The following NHSL1 variants were observed in gnomAD, a reference collection of about 807,000 sequenced individuals.
NHSL1 encodes the protein NHS-like protein 1.
NHSL1 carries 48 observed loss-of-function variants against 95.0 expected under a neutral mutation model. The observed-to-expected ratio is 0.51, with a 90% CI of 0.40 to 0.64. NHSL1 has a LOEUF of 0.64. Ranked by LOEUF, NHSL1 falls within the 30% of genes least tolerant of loss-of-function variation. The pLI, the probability that NHSL1 is intolerant of heterozygous loss-of-function variation, is 0.00. For missense variants in NHSL1, 1,971 were observed against 2,077.7 expected, an observed-to-expected ratio of 0.95 and a Z score of 1.00; for synonymous variants, 783 against 833.9, an observed-to-expected ratio of 0.94 and a Z score of 1.05.
intron 1 of NHSL1, among the ~76,000 whole-genome samples, chr6:138,578,669 AT>A (rs1004491651): frequency 1.4e-4 from 21 of 151,944 alleles, no homozygotes; most frequent in South Asian, 4.2e-4. Context: ...TGTGGTTATT[AT>A]TTTTTTTAAT....
At position 138,429,830 on chromosome 6, in the gene NHSL1, C is replaced by T. The variant is rs1464147854; in HGVS notation, c.3966G>A (p.Glu1322=). Residue 1322 remains glutamate (E), a synonymous_variant, in exon 7 of 8, where the codon GAG becomes GAA. Coordinates refer to ENST00000343505, the MANE Select transcript of NHSL1 (RefSeq NM_001144060.2). ...SQQDGAAGVP[E]TNAAGSSSEA... is the part of the protein sequence containing the mutation. ...CTGAGGATGAACCGGCTGCGTTGGT[C>T]TCCGGCACCCCAGCTACAGAAGAGC... is the stretch of plus-strand genomic sequence containing the variant. The T allele has an allele frequency of 1.2e-5, 18 of 1,551,096 alleles. No individual in the cohort carries two copies. The highest frequency in any genetic ancestry group is 1.6e-5 in the Non-Finnish European group (18 of 1,146,838).
chr6:138,552,349 G>C (rs547948873), intron 1 of NHSL1, among the ~76,000 whole-genome samples: 2 of 152,136 alleles, frequency 1.3e-5, no homozygotes, highest in Admixed American at 1.3e-4. Flanking sequence ...GAACCCGGGA[G>C]GTGGAGGTTG....
intron 3 of NHSL1, 34 bp downstream of exon 3, chr6:138,473,272 A>C (rs2128248027): frequency 1.1e-4 from 158 of 1,482,822 alleles, no homozygotes; most frequent in Non-Finnish European, 1.3e-4. Flanking sequence ...TCTGGGACCC[A>C]ACCCAGGACC....
chr6:138,548,629 G>C (rs9402980), upstream of NHSL1, among the ~76,000 whole-genome samples: 48,529 of 152,056 alleles, frequency 0.32, 7,935 homozygotes, highest in Middle Eastern at 0.51. Context: ...TTCATGGCCT[G>C]TAAATGTGAG....
intron 1 of NHSL1, among the ~76,000 whole-genome samples, chr6:138,633,817 T>G (rs941678991): frequency 6.6e-6 from 1 of 152,218 alleles, no homozygotes; most frequent in Admixed American, 6.5e-5. Flanking sequence ...TGTAAACTAC[T>G]CTTATTCTAA....
intron 3 of NHSL1, among the ~76,000 whole-genome samples, chr6:138,447,881 G>A (rs560078155): frequency 6.6e-6 from 1 of 152,246 alleles, no homozygotes; most frequent in South Asian, 2.1e-4. Context: ...ATTTAGTTTT[G>A]CTCAAAGTAA....
intron 4 of NHSL1, among the ~76,000 whole-genome samples, chr6:138,443,761 C>T (rs142598984): frequency 0.029 from 4,372 of 152,200 alleles, 95 homozygotes; most frequent in Non-Finnish European, 0.046. Flanking sequence ...GCCTGGGAGG[C>T]GGAGGTTGCA....
At chr6:138,459,278 C>T (rs1171530010) in intron 3 of NHSL1, among the ~76,000 whole-genome samples, 1 of 152,250 alleles carries the variant, frequency 6.6e-6, no homozygotes, top group East Asian at 1.9e-4. Flanking sequence ...ATGAGTCCCA[C>T]GCCTGACCAT....
chr6:138,545,607 C>T (rs1480853813), intron 1 of NHSL1: 1 of 1,288,090 alleles, frequency 7.8e-7, no homozygotes, highest in East Asian at 5.5e-5. Context: ...CCCAAATGGA[C>T]ACGAAGTCCC....
chr6:138,478,569 G>A (rs1463294841), intron 2 of NHSL1, among the ~76,000 whole-genome samples: 3 of 152,182 alleles, frequency 2.0e-5, no homozygotes, highest in Non-Finnish European at 4.4e-5. Context: ...TGAAACAAAA[G>A]TGAGAGCAAG....
intron 1 of NHSL1, among the ~76,000 whole-genome samples, chr6:138,529,010 C>T (rs1782025271): frequency 6.6e-6 from 1 of 152,166 alleles, no homozygotes; most frequent in Non-Finnish European, 1.5e-5. Flanking sequence ...TGAGAATGAG[C>T]CTTTTATATT....
chr6:138,638,429 G>A (rs561341272), intron 1 of NHSL1, among the ~76,000 whole-genome samples: 359 of 152,184 alleles, frequency 2.4e-3, no homozygotes, highest in Non-Finnish European at 4.4e-3. Flanking sequence ...TAGCATGCCT[G>A]TATCAAAACA....
At chr6:138,573,269 T>C (rs1783905770), upstream of NHSL1, among the ~76,000 whole-genome samples, 1 of 152,152 alleles carries the variant, frequency 6.6e-6, no homozygotes, top group South Asian at 2.1e-4. Flanking sequence ...GCTAACTTAC[T>C]ACAATTCCAC....
At chr6:138,492,212 A>G (rs1344399569) in intron 2 of NHSL1, among the ~76,000 whole-genome samples, 3 of 152,126 alleles carry the variant, frequency 2.0e-5, no homozygotes, top group Admixed American at 6.6e-5. Flanking sequence ...CTCCTCTCTC[A>G]TGTGGGGATG....
At position 138,433,684 on chromosome 6, in the gene NHSL1, G is replaced by C. The variant is rs941906798; in HGVS notation, c.665-4C>G. ...TCATCTTGGCCAGTGCCTGATGCTG[G>C]AGATAAAGCAGAAAGAGGCTTGTTA... On this transcript the variant is annotated splice_polypyrimidine_tract_variant and splice_region_variant and intron_variant, in intron 5 of 7. Coordinates refer to ENST00000343505, the MANE Select transcript of NHSL1 (RefSeq NM_001144060.2). The C allele has an allele frequency of 2.2e-5, 33 of 1,516,714 alleles. No homozygotes were observed. Among genetic ancestry groups the C allele is most frequent in the Non-Finnish European group, 2.8e-5 (32 of 1,124,106 alleles). The allele number at this position is 1,516,714 out of a possible 1,614,324, so 94.0% of individuals were successfully genotyped here.
intron 1 of NHSL1, among the ~76,000 whole-genome samples, chr6:138,595,330 T>G (rs1484743410): frequency 6.6e-6 from 1 of 152,190 alleles, no homozygotes; most frequent in Non-Finnish European, 1.5e-5. Flanking sequence ...TCCTAGCACT[T>G]TGGGAGGCCA....
intron 1 of NHSL1, among the ~76,000 whole-genome samples, chr6:138,685,268 C>T (rs1291258592): frequency 6.6e-6 from 1 of 152,080 alleles, no homozygotes; most frequent in Admixed American, 6.5e-5. Flanking sequence ...ATCATTTTCC[C>T]AATACCCAAG....
chr6:138,620,266 G>A (rs6931390), intron 1 of NHSL1, among the ~76,000 whole-genome samples: 123,914 of 152,166 alleles, frequency 0.81, 51,450 homozygotes, highest in East Asian at 1. Context: ...GACCTAAATG[G>A]TCTGAAACAA....
In NHSL1 at chr6:138,537,025, C is replaced by T. The variant is rs1424526076; in HGVS notation, c.16+8598G>A. ...TACAGCAGTCAACCTAAAATAAGGACATTTCCACCTATATAAGGATAAAAC... is the reference window on the plus strand; with the variant it reads ...TACAGCAGTCAACCTAAAATAAGGATATTTCCACCTATATAAGGATAAAAC... On this transcript the variant is annotated intron_variant, in intron 1 of 4. Coordinates refer to the NHSL1 transcript ENST00000342260. Among the ~76,000 whole-genome samples the T allele has an allele frequency of 2.0e-5, 3 of 152,182 alleles. No homozygotes were observed. The East Asian group carries it at 5.8e-4, about 29-fold the overall frequency.
Sources: allele counts gnomAD v4.1 joint callset (sites outside exome capture counted in the v4.1 genomes callset), GRCh38; gene constraint gnomAD v4.1.1; transcripts MANE v1.5; gene names NCBI Gene and HGNC (gene_info 2026-07-23, HGNC 2026-07-21).